The following MCM8 variants were observed in gnomAD, a reference collection of about 807,000 sequenced individuals.
MCM8 encodes minichromosome maintenance 8 homologous recombination repair factor.
MCM8 carries 85 observed loss-of-function variants against 98.9 expected under a neutral mutation model. The observed-to-expected ratio is 0.86, with a 90% CI of 0.72 to 1.03. The LOEUF (loss-of-function observed/expected upper bound fraction) is 1.03. Among genes scored for constraint, MCM8 ranks in the 50% least tolerant of loss-of-function variants. The pLI is 0.00. For synonymous variants in MCM8, 352 were observed against 338.6 expected (o/e 1.04, Z -0.44); for missense variants, 951 against 997.8 (o/e 0.95, Z 0.63).
intron 10 of MCM8, among the ~76,000 whole-genome samples, 189 bp from the exon 11 acceptor site, chr20:5,971,818 T>G (rs1212805804): frequency 6.6e-6 from 1 of 152,230 alleles, no homozygotes; most frequent in African/African-American, 2.4e-5. Context: ...TTTAAAAAAT[T>G]CTAACCTTTA....
intron 2 of MCM8, 97 bp downstream of exon 2, chr20:5,952,260 T>C: frequency 6.4e-7 from 1 of 1,565,202 alleles, no homozygotes; most frequent in Non-Finnish European, 8.6e-7. Context: ...GTTTGTCTTT[T>C]ATTTCATGCT....
chr20:5,992,134 G>T (rs2089865678), intron 17 of MCM8, among the ~76,000 whole-genome samples: 1 of 152,110 alleles, frequency 6.6e-6, no homozygotes. Flanking sequence ...AAAGATCATT[G>T]TTTTTTTCTA....
intron 13 of MCM8, 30 bp from the exon 14 acceptor site, chr20:5,982,940 T>G (rs55949141): frequency 0.045 from 70,049 of 1,567,162 alleles, 1,784 homozygotes; most frequent in Middle Eastern, 0.07. Context: ...GAAAAAATGT[T>G]TTTTCTGCTT....
chr20:5,979,173 C>T (rs1311403631), intron 13 of MCM8, among the ~76,000 whole-genome samples: 1 of 152,230 alleles, frequency 6.6e-6, no homozygotes, highest in Non-Finnish European at 1.5e-5. Context: ...ATCACTCCCT[C>T]CTCCTTGAGA....
At chr20:5,967,326 A>AGCAAATCTGCTTTTATCTTCCTCACAT in intron 8 of MCM8, 110 bp from the exon 9 acceptor site, 1 of 898,562 alleles carries the variant, frequency 1.1e-6, no homozygotes, top group Non-Finnish European at 1.6e-6. Context: ...ACTGTTAATA[A>AGCAAATCTGCTTTTATCTTCCTCACAT]GCAAATCTGC....
At chr20:5,959,473 A>G (rs1358328237) in intron 7 of MCM8, among the ~76,000 whole-genome samples, 1 of 151,952 alleles carries the variant, frequency 6.6e-6, no homozygotes, top group Non-Finnish European at 1.5e-5. Context: ...CTGTTTTTTT[A>G]TTTGGTTATT....
At position 5,963,321 on chromosome 20, in the gene MCM8, C is replaced by A; in HGVS notation, c.837C>A (p.Ser279Arg). 6.2e-7 allele frequency: 1 copy of A among 1,614,062 alleles called. No individual in the cohort carries two copies. The highest frequency in any genetic ancestry group is 8.5e-7 in the Non-Finnish European group (1 of 1,179,990). Residue 279 changes from serine (S) to arginine (R), a missense_variant, in exon 8 of 19, where the codon AGC (serine) becomes AGA (arginine). By Grantham distance (110) the Ser-to-Arg change is moderately radical (BLOSUM62 -1). Transcript: ENST00000610722. Reference sequence around the variant, plus strand: ...GCAGGTCATTTACTGCTCTCCGCAGCTCTCCTCTCACAGTTACGATGGACT... The same window carrying A: ...GCAGGTCATTTACTGCTCTCCGCAGATCTCCTCTCACAGTTACGATGGACT... ...CRGRSFTALR[S>R]SPLTVTMDWQ...
At position 5,994,576 on chromosome 20, in the gene MCM8, A is replaced by G. The variant is rs2122858215; in HGVS notation, c.*185A>G. 1 of 556,226 alleles carries G rather than the reference A, an allele frequency of 1.8e-6. No homozygotes were observed. Among genetic ancestry groups the G allele is most frequent in the South Asian group, 2.3e-5 (1 of 43,524 alleles). 34.5% of individuals were successfully genotyped at this position (556,226 alleles called of 1,614,324 possible). ...GTCCCAAAAGTATTATAATAGGAAA[A>G]AAGCATTAAATATAATAAACTAATT... On this transcript the variant is annotated 3_prime_UTR_variant, in exon 19 of 19. Coordinates refer to ENST00000610722, the MANE Select transcript of MCM8 (RefSeq NM_032485.6).
chr20:5,994,026 A>G (rs942988548), intron 18 of MCM8: 12 of 353,428 alleles, frequency 3.4e-5, no homozygotes, highest in South Asian at 7.3e-5. Flanking sequence ...ATGGAAAATT[A>G]ACTTCTTAAT....
intron 8 of MCM8, among the ~76,000 whole-genome samples, chr20:5,966,211 GC>G (rs1473947293): frequency 6.6e-6 from 1 of 151,906 alleles, no homozygotes; most frequent in African/African-American, 2.4e-5. Flanking sequence ...TATCTATCAT[GC>G]TGTGAAACAG....
rs983416314 is a variant in MCM8 at position 5,950,679 on chromosome 20, C to G, written c.-350C>G. 9.6e-5 allele frequency: 36 copies of G among 373,234 alleles called. No homozygotes were observed. Among genetic ancestry groups the G allele is most frequent in the Non-Finnish European group, 1.6e-4 (33 of 205,890 alleles). The allele number at this position is 373,234 out of a possible 1,614,324, so 23.1% of individuals were successfully genotyped here. On this transcript the variant is annotated 5_prime_UTR_variant, in exon 1 of 19. Transcript: ENST00000610722. ...TTGAGCGGAAGTTGGATCACTGAAG[C>G]GCCAAAAAAGAATTTAGGGGAAGAC...
intron 8 of MCM8, 24 bp from the exon 9 acceptor site, chr20:5,967,412 C>T (rs2089297807): frequency 6.2e-7 from 1 of 1,603,858 alleles, no homozygotes; most frequent in Non-Finnish European, 8.5e-7. Flanking sequence ...AGTATTCTAA[C>T]TGAAAACTAT....
chr20:5,976,262 T>TA (rs1411347463), intron 12 of MCM8, among the ~76,000 whole-genome samples: 1 of 152,130 alleles, frequency 6.6e-6, no homozygotes, highest in Non-Finnish European at 1.5e-5. Context: ...CCTTGTTTCT[T>TA]ACAGAAAATT....
At chr20:5,982,762 G>A (rs1173859417) in intron 13 of MCM8, among the ~76,000 whole-genome samples, 2 of 152,148 alleles carry the variant, frequency 1.3e-5, no homozygotes, top group Non-Finnish European at 2.9e-5. Context: ...AATGCTAAAG[G>A]AAGAACTATT....
chr20:5,985,492 TA>T (rs969477329), intron 15 of MCM8, among the ~76,000 whole-genome samples: 1 of 150,474 alleles, frequency 6.6e-6, no homozygotes, highest in Non-Finnish European at 1.5e-5. Flanking sequence ...GACCTACAGA[TA>T]AAGTGTTTGG....
chr20:5,972,800 G>A lies in MCM8; in HGVS notation c.1255-256G>A, dbSNP rs878902442. On this transcript the variant is annotated intron_variant, in intron 11 of 18. Transcript: ENST00000610722. ...AAAACAAATATTTCTCGTTTTTGTG[G>A]AATGGATTTATGCCTTGCAAGGTAG... 14 of 1,427,232 alleles carry A rather than the reference G, an allele frequency of 9.8e-6. No individual in the cohort carries two copies. In the South Asian group the frequency reaches 1.4e-4, roughly 14 times the overall value. 88.4% of individuals were successfully genotyped at this position (1,427,232 alleles called of 1,614,324 possible).
At chr20:5,975,426 A>C (rs1349860931) in intron 12 of MCM8, among the ~76,000 whole-genome samples, 1 of 151,368 alleles carries the variant, frequency 6.6e-6, no homozygotes, top group Non-Finnish European at 1.5e-5. Context: ...TAACCCCTAG[A>C]GTGTCTTATC....
chr20:5,954,005 A>G (rs1379967271), intron 3 of MCM8, among the ~76,000 whole-genome samples: 1 of 152,216 alleles, frequency 6.6e-6, no homozygotes, highest in Non-Finnish European at 1.5e-5. Flanking sequence ...CAGATAGCTC[A>G]GAACACTATA....
intron 7 of MCM8, among the ~76,000 whole-genome samples, chr20:5,961,801 G>T (rs2089149719): frequency 6.6e-6 from 1 of 152,144 alleles, no homozygotes; most frequent in Admixed American, 6.5e-5. Context: ...TTAGGTAGTA[G>T]CATTGACTCA....
Sources: allele counts gnomAD v4.1 joint callset (sites outside exome capture counted in the v4.1 genomes callset), GRCh38; gene constraint gnomAD v4.1.1; transcripts MANE v1.5; gene names NCBI Gene and HGNC (gene_info 2026-07-23, HGNC 2026-07-21).